The following TMEM132C variants were observed in gnomAD, a reference collection of about 807,000 sequenced individuals.
TMEM132C encodes the protein protein phosphatase 1, regulatory subunit 152.
A neutral mutation model predicts 61.4 loss-of-function variants in TMEM132C; 29 were observed. That is an observed-to-expected ratio of 0.47 (90% CI 0.35 to 0.64). The LOEUF is 0.64. Among genes scored for constraint, TMEM132C ranks in the 30% least tolerant of loss-of-function variants. The pLI, the probability that TMEM132C is intolerant of heterozygous loss-of-function variation, is 0.00. For synonymous variants in TMEM132C, 656 were observed against 633.1 expected (o/e 1.04, Z -0.54); for missense variants, 1,408 against 1,476.9 (o/e 0.95, Z 0.76).
At chr12:128,489,271 A>G (rs6486686) in intron 2 of TMEM132C, among the ~76,000 whole-genome samples, 70,394 of 151,606 alleles carry the variant, frequency 0.46, 16,731 homozygotes, top group East Asian at 0.58. Context: ...GGTGTTACAG[A>G]TGATGAGACG....
intron 2 of TMEM132C, among the ~76,000 whole-genome samples, chr12:128,419,575 GTTTTT>G (rs72349303): frequency 5.1e-5 from 7 of 136,172 alleles, no homozygotes; most frequent in Admixed American, 7.2e-5. Context: ...TACTAATCTT[GTTTTT>G]TTTTTTTTTT....
intron 1 of TMEM132C, among the ~76,000 whole-genome samples, chr12:128,355,905 CTT>C (rs1873488518): frequency 6.6e-6 from 1 of 152,164 alleles, no homozygotes; most frequent in African/African-American, 2.4e-5. Flanking sequence ...CCCTGGCACT[CTT>C]TACCCCCTTC....
intron 2 of TMEM132C, among the ~76,000 whole-genome samples, chr12:128,450,545 T>A (rs952264343): frequency 3.3e-5 from 5 of 152,196 alleles, no homozygotes; most frequent in African/African-American, 1.2e-4. Flanking sequence ...GGCATGCCAC[T>A]GGTAAGATAC....
At chr12:128,566,785 G>A (rs188597703) in intron 3 of TMEM132C, among the ~76,000 whole-genome samples, 17 of 152,196 alleles carry the variant, frequency 1.1e-4, no homozygotes, top group Admixed American at 5.2e-4. Flanking sequence ...GCCAGGGTTC[G>A]GGTTCCAACA....
At chr12:128,703,499 G>A (rs972391192) in intron 8 of TMEM132C, among the ~76,000 whole-genome samples, 1 of 152,200 alleles carries the variant, frequency 6.6e-6, no homozygotes, top group Admixed American at 6.5e-5. Context: ...TGGCTGCATA[G>A]TATTCCACGG....
At chr12:128,374,266 G>A (rs374530979) in intron 1 of TMEM132C, among the ~76,000 whole-genome samples, 2 of 152,182 alleles carry the variant, frequency 1.3e-5, no homozygotes, top group African/African-American at 4.8e-5. Flanking sequence ...TGGAGTGTGT[G>A]TTGTATATGG....
chr12:128,395,212 C>A lies in TMEM132C; in HGVS notation c.86-19520C>A, dbSNP rs181730906. On this transcript the variant is annotated intron_variant, in intron 1 of 8. Coordinates refer to ENST00000435159, the MANE Select transcript of TMEM132C (RefSeq NM_001136103.3). ...TATTTAATTAAATATATAGTTCATT[C>A]ATTTTAATATATTAAAATTAATTTA... 2.7e-3 allele frequency among the ~76,000 whole-genome samples: 398 copies of A among 149,916 alleles called. 4 individuals carry two copies. The highest frequency in any genetic ancestry group is 2.8e-3 in the Non-Finnish European group (186 of 67,578).
intron 5 of TMEM132C, among the ~76,000 whole-genome samples, chr12:128,684,309 T>C (rs1954657733): frequency 7.2e-6 from 1 of 139,466 alleles, no homozygotes; most frequent in South Asian, 2.2e-4. Context: ...GTTTCATAGA[T>C]GAGGAAAATG....
intron 3 of TMEM132C, among the ~76,000 whole-genome samples, chr12:128,555,720 T>TTTG (rs920026467): frequency 6.6e-6 from 1 of 151,664 alleles, no homozygotes; most frequent in African/African-American, 2.4e-5. Context: ...AACTTTTTTT[T>TTTG]TTTTTTTTCT....
At chr12:128,682,439 C>A (rs1954643009) in intron 5 of TMEM132C, among the ~76,000 whole-genome samples, 1 of 152,208 alleles carries the variant, frequency 6.6e-6, no homozygotes, top group South Asian at 2.1e-4. Flanking sequence ...GGTTCCCGAT[C>A]TAGCCGAGGG....
chr12:128,371,364 C>G (rs1874023207), intron 1 of TMEM132C, among the ~76,000 whole-genome samples: 1 of 152,158 alleles, frequency 6.6e-6, no homozygotes, highest in African/African-American at 2.4e-5. Context: ...CCTGTCCAAT[C>G]AAAGCATCCA....
At chr12:128,648,808 A>G (rs1347989170) in intron 4 of TMEM132C, among the ~76,000 whole-genome samples, 109 of 114,386 alleles carry the variant, frequency 9.5e-4, no homozygotes, top group African/African-American at 1.2e-3. Context: ...TGTGTTTACT[A>G]GAGTCCATCA....
intron 2 of TMEM132C, among the ~76,000 whole-genome samples, chr12:128,511,030 CT>C (rs2136118088): frequency 6.6e-6 from 1 of 152,370 alleles, no homozygotes; most frequent in South Asian, 2.1e-4. Context: ...CCTTGATGAG[CT>C]GGCAGGCATG....
chr12:128,614,090 TG>T (rs1876720094), intron 3 of TMEM132C, among the ~76,000 whole-genome samples: 1 of 152,208 alleles, frequency 6.6e-6, no homozygotes, highest in South Asian at 2.1e-4. Context: ...ACCAGAACCC[TG>T]GCCCCCCTAC....
rs1302494674 is a variant in TMEM132C at position 128,521,449 on chromosome 12, C to A, written c.975-22508C>A. ...CCTCCTAATGCTATCCCTCCCCCAG[C>A]CCCCAGCCCCCCACCCCCCAACAGG... On this transcript the variant is annotated intron_variant, in intron 2 of 8. Coordinates refer to ENST00000435159, the MANE Select transcript of TMEM132C (RefSeq NM_001136103.3). Among the ~76,000 whole-genome samples, 11 of 134,614 alleles carry A rather than the reference C, an allele frequency of 8.2e-5. No individual in the cohort carries two copies. In the Admixed American group the frequency reaches 8.6e-4, roughly 10 times the overall value. 88.3% of individuals were successfully genotyped at this position (134,614 alleles called of 152,430 possible). A position where few individuals can be genotyped will look rare whatever the true frequency, so the allele number is the denominator to read the frequency against.
intron 1 of TMEM132C, among the ~76,000 whole-genome samples, chr12:128,305,381 C>T (rs781564036): frequency 2.0e-5 from 3 of 152,026 alleles, no homozygotes; most frequent in Non-Finnish European, 2.9e-5. Context: ...GATACTACTC[C>T]CATCTTGGCA....
chr12:128,518,750 G>T (rs916956746), intron 2 of TMEM132C, among the ~76,000 whole-genome samples: 1 of 151,970 alleles, frequency 6.6e-6, no homozygotes, highest in Admixed American at 6.6e-5. Flanking sequence ...GTGCGTGTGT[G>T]TGTGTGGTGT....
intron 1 of TMEM132C, among the ~76,000 whole-genome samples, chr12:128,409,320 T>A (rs1868441886): frequency 1.3e-5 from 2 of 152,144 alleles, no homozygotes; most frequent in Non-Finnish European, 2.9e-5. Flanking sequence ...ACCTTGGAGT[T>A]GAGCCTGTGA....
chr12:128,426,593 T>C (rs76503116), intron 2 of TMEM132C, among the ~76,000 whole-genome samples: 2,387 of 152,326 alleles, frequency 0.016, 58 homozygotes, highest in African/African-American at 0.055. Flanking sequence ...TTTCATTTTC[T>C]TCAGCTTGTC....
Sources: allele counts gnomAD v4.1 joint callset (sites outside exome capture counted in the v4.1 genomes callset), GRCh38; gene constraint gnomAD v4.1.1; transcripts MANE v1.5; gene names NCBI Gene and HGNC (gene_info 2026-07-23, HGNC 2026-07-21).